C16orf96: variants seen among roughly 807,000 people sequenced by gnomAD.
The protein encoded by C16orf96 is chromosome 16 open reading frame 96.
A neutral mutation model predicts 103.6 loss-of-function variants in C16orf96; 108 were observed. The observed-to-expected ratio is 1.04, with a 90% CI of 0.89 to 1.22. C16orf96 has a LOEUF of 1.22. C16orf96 is among the 50% of genes most tolerant of loss of function. The pLI is 0.00. For synonymous variants in C16orf96, 566 were observed against 593.5 expected (o/e 0.95, Z 0.67); for missense variants, 1,586 against 1,464.2 (o/e 1.08, Z -1.36).
Position 4,563,713 on chromosome 16 carries a change from C to T in C16orf96, c.420+6804C>T, listed in dbSNP as rs140942787. Among the ~76,000 whole-genome samples the T allele has an allele frequency of 3.2e-3, 489 of 151,874 alleles. 2 individuals are homozygous for T. Among genetic ancestry groups the T allele is most frequent in the African/African-American group, 0.011 (461 of 41,470 alleles). The stretch of plus-strand genomic sequence containing the variant: ...CTTCCTGAGTAACTGGGATTACAAG[C>T]GTGCACCACCATGCCCAGCTAATTT... On this transcript the variant is annotated intron_variant, in intron 1 of 15. Coordinates refer to ENST00000444310, the MANE Select transcript of C16orf96 (RefSeq NM_001145011.2).
At chr16:4,541,464 C>G in the C16orf96 span, among the ~76,000 whole-genome samples, 3 of 152,180 alleles carry the variant, frequency 2.0e-5, no homozygotes, top group Non-Finnish European at 4.4e-5. Context: ...ATCCCAGCCA[C>G]TCGGGAGGCT....
intron 1 of C16orf96, chr16:4,561,105 A>G (rs1259909213): frequency 1.3e-5 from 2 of 151,816 alleles, no homozygotes; most frequent in Non-Finnish European, 2.9e-5. Flanking sequence ...AGATTGCGCC[A>G]TTGCACTCCA....
rs1444919422 is a variant in C16orf96 at position 4,571,573 on chromosome 16, C to G, written c.433C>G (p.Leu145Val). ...DEVMAKSMQTLQDLLTDLHAL... is the reference protein window; with the variant it reads ...DEVMAKSMQTVQDLLTDLHAL... ...TCCTCTTTTGCAGTCAATGCAGACC[C>G]TGCAGGACTTGCTCACTGATCTTCA... The change falls in exon 2 of 16, where the codon CTG becomes GTG. Residue 145 changes from leucine (L) to valine (V), a missense_variant. Transcript: ENST00000444310. The G allele has an allele frequency of 6.4e-7, 1 of 1,552,234 alleles. No individual in the cohort carries two copies. The highest frequency in any genetic ancestry group is 8.7e-7 in the Non-Finnish European group (1 of 1,147,034).
chr16:4,566,694 C>T (rs1425944094), intron 1 of C16orf96, among the ~76,000 whole-genome samples: 1 of 151,924 alleles, frequency 6.6e-6, no homozygotes, highest in Admixed American at 6.6e-5. Flanking sequence ...TTAATCTCTT[C>T]ACTTGTTTTA....
intron 11 of C16orf96, 97 bp downstream of exon 11, chr16:4,592,464 T>G: frequency 7.3e-7 from 1 of 1,376,378 alleles, no homozygotes. Flanking sequence ...CCATGCACGC[T>G]GTGTGTCTAC....
chr16:4,583,693 T>G (rs550769632), intron 7 of C16orf96, among the ~76,000 whole-genome samples: 2 of 151,910 alleles, frequency 1.3e-5, no homozygotes, highest in South Asian at 2.1e-4. Context: ...GAGGCCGACA[T>G]GGGCGGATCA....
chr16:4,544,986 G>A, the C16orf96 span, among the ~76,000 whole-genome samples: 2 of 152,064 alleles, frequency 1.3e-5, no homozygotes, highest in Non-Finnish European at 2.9e-5. Context: ...ACACACAGCC[G>A]CATAAAAACC....
chr16:4,564,642 CT>C (rs2059368348), intron 1 of C16orf96, among the ~76,000 whole-genome samples: 1 of 152,142 alleles, frequency 6.6e-6, no homozygotes, highest in Admixed American at 6.5e-5. Context: ...AAAACCTTGT[CT>C]TTACTAAAAA....
At chr16:4,564,318 A>G (rs1358955789) in intron 1 of C16orf96, among the ~76,000 whole-genome samples, 2 of 152,148 alleles carry the variant, frequency 1.3e-5, no homozygotes, top group Admixed American at 6.6e-5. Context: ...GGATATGTGC[A>G]CGCAGCTTCT....
At chr16:4,544,566 G>A in the C16orf96 span, among the ~76,000 whole-genome samples, 14 of 152,258 alleles carry the variant, frequency 9.2e-5, no homozygotes, top group Admixed American at 9.2e-4. Context: ...TGGTGATCAC[G>A]CTGCTGCACT....
intron 1 of C16orf96, among the ~76,000 whole-genome samples, chr16:4,564,693 C>A (rs1304524316): frequency 6.6e-6 from 1 of 152,084 alleles, no homozygotes; most frequent in Non-Finnish European, 1.5e-5. Flanking sequence ...TGCCTGTAGT[C>A]CCAGCCACTC....
At chr16:4,544,540 G>A in the C16orf96 span, among the ~76,000 whole-genome samples, 1,302 of 152,312 alleles carry the variant, frequency 8.5e-3, 20 homozygotes, top group African/African-American at 0.03. Context: ...CCGGGAGGCT[G>A]GAGTTGCAGT....
chr16:4,546,453 C>A, the C16orf96 span, among the ~76,000 whole-genome samples: 1 of 129,940 alleles, frequency 7.7e-6, no homozygotes, highest in East Asian at 2.4e-4. Context: ...CCACCGCGCC[C>A]GGACTTTTTT....
At chr16:4,598,983 G>C (rs118172753) in intron 14 of C16orf96, among the ~76,000 whole-genome samples, 8,289 of 151,882 alleles carry the variant, frequency 0.055, 359 homozygotes, top group South Asian at 0.14. Context: ...ACCGGGAGTA[G>C]TGGGGCACAC....
At chr16:4,592,580 G>C (rs1257654356) in intron 11 of C16orf96, among the ~76,000 whole-genome samples, 1 of 152,136 alleles carries the variant, frequency 6.6e-6, no homozygotes, top group Non-Finnish European at 1.5e-5. Flanking sequence ...GTTCTGTACC[G>C]TCAAGTCCAT....
chr16:4,559,654 C>T (rs1032097112), intron 1 of C16orf96, among the ~76,000 whole-genome samples: 3 of 152,196 alleles, frequency 2.0e-5, no homozygotes, highest in East Asian at 1.9e-4. Flanking sequence ...AATGAAAATT[C>T]GGTGGCACAC....
At chr16:4,577,499 A>G (rs1424741403) in intron 5 of C16orf96, among the ~76,000 whole-genome samples, 1 of 151,646 alleles carries the variant, frequency 6.6e-6, no homozygotes, top group African/African-American at 2.4e-5. Context: ...AAATACAAAA[A>G]AATTAGCTGG....
At chr16:4,542,414 A>C in the C16orf96 span, among the ~76,000 whole-genome samples, 5 of 152,316 alleles carry the variant, frequency 3.3e-5, no homozygotes, top group South Asian at 1.0e-3. Flanking sequence ...CCCAGTAACC[A>C]CATTAAAAGT....
At chr16:4,543,175 G>A in the C16orf96 span, among the ~76,000 whole-genome samples, 3 of 152,326 alleles carry the variant, frequency 2.0e-5, no homozygotes, top group East Asian at 1.9e-4. Flanking sequence ...AGAGGAGGAC[G>A]TTTAAGTTGG....
Sources: gnomAD v4.1 joint callset for allele counts (sites outside exome capture counted in the v4.1 genomes callset) on GRCh38, gnomAD v4.1.1 for gene constraint, MANE v1.5 for transcripts, NCBI Gene and HGNC (gene_info 2026-07-23, HGNC 2026-07-21) for gene names.